Variants in SLC9C2 observed in about 807,000 individuals in gnomAD.
SLC9C2 encodes sodium/hydrogen exchanger 11.
SLC9C2 carries 75 observed loss-of-function variants against 140.2 expected under a neutral mutation model. The observed-to-expected ratio is 0.53, with a 90% CI of 0.44 to 0.65. The LOEUF (loss-of-function observed/expected upper bound fraction) is 0.65. Among genes scored for constraint, SLC9C2 ranks in the 30% least tolerant of loss-of-function variants. SLC9C2 has a pLI of 0.00. For missense variants in SLC9C2, 1,074 were observed against 1,331.8 expected, an observed-to-expected ratio of 0.81 and a Z score of 3.01; for synonymous variants, 375 against 420.9, an observed-to-expected ratio of 0.89 and a Z score of 1.34.
chr1:173,510,870 C>A (rs1053873139), intron 23 of SLC9C2, among the ~76,000 whole-genome samples: 9 of 152,042 alleles, frequency 5.9e-5, no homozygotes, highest in Non-Finnish European at 1.2e-4. Context: ...ATTGCTGGGT[C>A]AAATGGTATT....
At chr1:173,600,405 C>T (rs1157228343) in intron 2 of SLC9C2, among the ~76,000 whole-genome samples, 188 bp from the exon 3 acceptor site, 2 of 151,398 alleles carry the variant, frequency 1.3e-5, no homozygotes, top group African/African-American at 2.4e-5. Flanking sequence ...TTTGAGTACT[C>T]GTACAACTAT....
Position 173,557,508 on chromosome 1 carries a change from C to T in SLC9C2, c.1047G>A (p.Arg349=), listed in dbSNP as rs1409846490. 2 of 1,607,564 alleles carry T rather than the reference C, an allele frequency of 1.2e-6. No homozygotes were observed. The highest frequency in any genetic ancestry group is 2.2e-5 in the East Asian group (1 of 44,796). The change falls in exon 10 of 28, where the codon AGG becomes AGA. Residue 349 remains arginine, a splice_region_variant and synonymous_variant. Transcript: ENST00000367714. ...FILFTTVNLV[R]LLTILLVSPI... ...GGCTCACTAACAAAATAGTAAGCAA[C>T]CTGTGGAGAGGGAAACATTAAAAAT...
rs1315847964 is a variant in SLC9C2 at position 173,517,660 on chromosome 1, C to T, written c.2784G>A (p.Arg928=). 6.2e-7 allele frequency: 1 copy of T among 1,613,620 alleles called. No individual in the cohort carries two copies. Among genetic ancestry groups the T allele is most frequent in the South Asian group, 1.1e-5 (1 of 90,954 alleles). ...ACATGTCTCTGGACCCTCTATCACACCTTTGATTACTCTCTATTCCAAAGG... is the reference window on the plus strand; with the variant it reads ...ACATGTCTCTGGACCCTCTATCACATCTTTGATTACTCTCTATTCCAAAGG... The part of the protein sequence containing the change: ...SPTFGIESNQ[R]CDRGSRDMFT... The change falls in exon 23 of 28, where the codon AGG becomes AGA. Residue 928 remains arginine, a synonymous_variant. Transcript: ENST00000367714.
At chr1:173,530,327 A>T (rs1254259694) in intron 17 of SLC9C2, among the ~76,000 whole-genome samples, 1 of 152,164 alleles carries the variant, frequency 6.6e-6, no homozygotes, top group Non-Finnish European at 1.5e-5. Flanking sequence ...CTTAGTGAAT[A>T]ACTGACTCTT....
intron 11 of SLC9C2, among the ~76,000 whole-genome samples, chr1:173,550,872 AAGAGAGAG>A (rs143296396): frequency 0.012 from 998 of 86,486 alleles, 24 homozygotes; most frequent in African/African-American, 0.062. Flanking sequence ...GAGCCGTTGA[AAGAGAGAG>A]AGAGAGAGAG....
At chr1:173,537,574 G>A (rs1662064651) in intron 13 of SLC9C2, among the ~76,000 whole-genome samples, 1 of 148,336 alleles carries the variant, frequency 6.7e-6, no homozygotes, top group Non-Finnish European at 1.5e-5. Flanking sequence ...AAATTTATAT[G>A]TGTGTGTGTA....
At chr1:173,595,168 G>A (rs144269764) in intron 4 of SLC9C2, among the ~76,000 whole-genome samples, 10 of 152,164 alleles carry the variant, frequency 6.6e-5, no homozygotes, top group African/African-American at 2.2e-4. Flanking sequence ...ATGAGCCACT[G>A]TACCTCAAGT....
intron 4 of SLC9C2, among the ~76,000 whole-genome samples, chr1:173,590,242 C>CAAAAAA (rs1276203820): frequency 1.0e-5 from 1 of 95,530 alleles, no homozygotes. Context: ...GACTCCATCT[C>CAAAAAA]AAAAAAAAAA....
At chr1:173,539,977 C>A (rs555119360) in intron 13 of SLC9C2, among the ~76,000 whole-genome samples, 140 of 152,166 alleles carry the variant, frequency 9.2e-4, no homozygotes, top group Non-Finnish European at 1.7e-3. Context: ...GAGGTGTAAT[C>A]TACTTTTCTA....
rs1204408826 is a variant in SLC9C2 at position 173,524,779 on chromosome 1, C to T, written c.2514G>A (p.Lys838=). The T allele has an allele frequency of 1.2e-6, 2 of 1,613,412 alleles. No homozygotes were observed. The highest frequency in any genetic ancestry group is 1.1e-5 in the South Asian group (1 of 91,012). The change falls in exon 20 of 28, where the codon AAG becomes AAA. Residue 838 remains lysine (K), a splice_region_variant and synonymous_variant. Coordinates refer to ENST00000367714, the MANE Select transcript of SLC9C2 (RefSeq NM_178527.4). ...TGCGGACAGAATCAAGCAAAATTAC[C>T]TTATTTATCTCAATGACTTCATGCT... The part of the protein sequence containing the change: ...IDKHEVIEIN[K]VLLKKLKALN...
At chr1:173,516,876 T>C (rs1316783060) in intron 23 of SLC9C2, among the ~76,000 whole-genome samples, 1 of 152,246 alleles carries the variant, frequency 6.6e-6, no homozygotes, top group Non-Finnish European at 1.5e-5. Flanking sequence ...TTTAGGTCTT[T>C]GAGGAAACGT....
chr1:173,566,524 ATG>A (rs1664483825), intron 9 of SLC9C2, among the ~76,000 whole-genome samples: 1 of 152,042 alleles, frequency 6.6e-6, no homozygotes, highest in African/African-American at 2.4e-5. Flanking sequence ...ATCAATCATA[ATG>A]TCTCACTTTT....
At chr1:173,599,458 TC>T (rs1466292411) in intron 3 of SLC9C2, among the ~76,000 whole-genome samples, 2 of 132,194 alleles carry the variant, frequency 1.5e-5, no homozygotes, top group East Asian at 2.5e-4. Context: ...CACTGCAAGC[TC>T]CGTCTCCTGG....
chr1:173,574,580 G>A (rs1160745510), intron 8 of SLC9C2, among the ~76,000 whole-genome samples: 6 of 140,286 alleles, frequency 4.3e-5, no homozygotes, highest in South Asian at 2.2e-4. Flanking sequence ...GTGCGATCTC[G>A]GCTCACTGCA....
chr1:173,536,020 GGAA>G, intron 14 of SLC9C2, 71 bp from the exon 15 acceptor site: 1 of 1,329,612 alleles, frequency 7.5e-7, no homozygotes, highest in East Asian at 3.0e-5. Context: ...ATATAAAAGG[GGAA>G]GGTGTACTAA....
At chr1:173,548,673 G>C (rs1340645184) in intron 11 of SLC9C2, 121 bp from the exon 12 acceptor site, 3 of 1,025,870 alleles carry the variant, frequency 2.9e-6, no homozygotes, top group South Asian at 3.0e-5. Context: ...AGAGTGGTTA[G>C]AGCAAGGACA....
intron 4 of SLC9C2, 79 bp downstream of exon 4, chr1:173,597,825 C>T: frequency 1.5e-6 from 2 of 1,312,432 alleles, no homozygotes; most frequent in Admixed American, 2.7e-5. Context: ...AATTATTAAT[C>T]ATCTATATAG....
chr1:173,518,850 T>A (rs1327376394), intron 22 of SLC9C2, among the ~76,000 whole-genome samples: 1 of 152,098 alleles, frequency 6.6e-6, no homozygotes, highest in Non-Finnish European at 1.5e-5. Context: ...ATGCCTCTGC[T>A]TTTTGCAAAC....
chr1:173,599,989 C>G (rs1666691645), intron 3 of SLC9C2, 128 bp downstream of exon 3: 1 of 541,270 alleles, frequency 1.8e-6, no homozygotes. Context: ...TTTTTTAATA[C>G]CAGATAAAAT....
Sources: gnomAD v4.1 joint callset for allele counts (sites outside exome capture counted in the v4.1 genomes callset) on GRCh38, gnomAD v4.1.1 for gene constraint, MANE v1.5 for transcripts, NCBI Gene and HGNC (gene_info 2026-07-23, HGNC 2026-07-21) for gene names.